Variants in NEBL observed in about 807,000 individuals in gnomAD.
NEBL encodes the protein LIM and SH3 protein 2.
Under a neutral mutation model 140.2 loss-of-function variants are expected in NEBL, and 122 were observed. The observed-to-expected ratio is 0.87, with a 90% CI of 0.75 to 1.01. The LOEUF is 1.01. NEBL is among the 50% of genes least tolerant of loss of function. The pLI is 0.00. For missense variants in NEBL, 1,365 were observed against 1,231.3 expected (o/e 1.11, Z -1.62); for synonymous variants, 436 against 398.9 (o/e 1.09, Z -1.11).
upstream of NEBL, chr10:20,897,388 G>C (rs1847605698): frequency 1.4e-6 from 2 of 1,389,948 alleles, no homozygotes; most frequent in East Asian, 5.2e-5. Context: ...AACAGAAAAG[G>C]ATCCCAGAGG....
chr10:21,017,644 T>C (rs1030326179), intron 3 of NEBL, among the ~76,000 whole-genome samples: 4 of 152,150 alleles, frequency 2.6e-5, no homozygotes, highest in Non-Finnish European at 5.9e-5. Flanking sequence ...AATAAATGCT[T>C]GCTCCTGGAA....
Position 21,134,124 on chromosome 10 carries a change from G to T in NEBL, c.164+38259C>A, listed in dbSNP as rs371321978. 9.2e-5 allele frequency among the ~76,000 whole-genome samples: 14 copies of T among 152,166 alleles called. No homozygotes were observed. In the East Asian group the frequency reaches 2.3e-3, roughly 25 times the overall value. On this transcript the variant is annotated intron_variant, in intron 2 of 6. Transcript: ENST00000417816. Reference sequence around the variant, plus strand: ...GCCTGTAGTCCCAGCTACTCAGGAGGCTGAGGCAGGAGAATCACTTGAACC... The same window carrying T: ...GCCTGTAGTCCCAGCTACTCAGGAGTCTGAGGCAGGAGAATCACTTGAACC...
chr10:20,969,000 C>A (rs992526659), intron 3 of NEBL, among the ~76,000 whole-genome samples: 2 of 152,116 alleles, frequency 1.3e-5, no homozygotes, highest in African/African-American at 4.8e-5. Flanking sequence ...TCTCACTGCA[C>A]TTTGTTTGGT....
chr10:21,156,711 A>G (rs1239466925), intron 2 of NEBL, among the ~76,000 whole-genome samples: 1 of 152,198 alleles, frequency 6.6e-6, no homozygotes, highest in East Asian at 1.9e-4. Context: ...TAAAATAATA[A>G]AAGAAGTTTT....
chr10:20,808,365 C>A (rs1015094579), intron 26 of NEBL, 145 bp downstream of exon 26: 115 of 752,582 alleles, frequency 1.5e-4, no homozygotes, highest in Middle Eastern at 3.9e-4. Context: ...AAAAAAAAGA[C>A]TATTAACTTT....
intron 3 of NEBL, among the ~76,000 whole-genome samples, chr10:21,240,664 A>G (rs1842426779): frequency 6.6e-6 from 1 of 152,204 alleles, no homozygotes; most frequent in South Asian, 2.1e-4. Flanking sequence ...TATAAAAGCA[A>G]TATTTAATAT....
chr10:20,814,316 G>A (rs1345294989), intron 22 of NEBL, among the ~76,000 whole-genome samples: 3 of 151,854 alleles, frequency 2.0e-5, no homozygotes, highest in Non-Finnish European at 2.9e-5. Flanking sequence ...GTAAACCTGC[G>A]CAAGCCCGAG....
At chr10:20,923,881 A>C (rs1833734268) in intron 4 of NEBL, among the ~76,000 whole-genome samples, 1 of 151,852 alleles carries the variant, frequency 6.6e-6, no homozygotes, top group African/African-American at 2.4e-5. Flanking sequence ...GAATAAAAGG[A>C]GGGGAGAGCT....
intron 2 of NEBL, among the ~76,000 whole-genome samples, chr10:21,044,394 G>GAAAA (rs1834409718): frequency 5.2e-4 from 1 of 1,932 alleles, no homozygotes; most frequent in Non-Finnish European, 1.2e-3. Context: ...GACAGAGTAA[G>GAAAA]AATAAAAAAA....
intron 26 of NEBL, among the ~76,000 whole-genome samples, chr10:20,797,629 G>A (rs1266560694): frequency 6.6e-6 from 1 of 152,162 alleles, no homozygotes; most frequent in Admixed American, 6.5e-5. Flanking sequence ...AATTCTCTAT[G>A]TGGGTCTGAA....
At chr10:20,817,482 T>C in intron 21 of NEBL, 118 bp downstream of exon 21, 1 of 896,972 alleles carries the variant, frequency 1.1e-6, no homozygotes, top group Non-Finnish European at 1.8e-6. Context: ...AAGTTGTTAG[T>C]CAAATGAGAA....
chr10:20,892,901 A>C (rs1481228864), intron 2 of NEBL, among the ~76,000 whole-genome samples: 1 of 152,236 alleles, frequency 6.6e-6, no homozygotes, highest in Non-Finnish European at 1.5e-5. Flanking sequence ...AAGGAAAAAC[A>C]ATGGCTCCAT....
intron 2 of NEBL, among the ~76,000 whole-genome samples, chr10:21,155,896 C>G (rs1840318905): frequency 6.6e-6 from 1 of 152,166 alleles, no homozygotes; most frequent in Non-Finnish European, 1.5e-5. Context: ...GAGATTAACG[C>G]CCACTGCATG....
upstream of NEBL, among the ~76,000 whole-genome samples, chr10:21,177,705 T>G (rs185101994): frequency 6.6e-6 from 1 of 152,076 alleles, no homozygotes; most frequent in Non-Finnish European, 1.5e-5. Context: ...AATTTTTGTA[T>G]TTTTAGTAGA....
chr10:20,888,169 A>G lies in NEBL; in HGVS notation c.297T>C (p.Asn99=), dbSNP rs1363794425. Reference sequence around the variant, plus strand: ...TGGCTGGCATCCGCTTATAAAGAGAATTAGAAAGGTCAGCTTTAATGGTGC... The same window carrying G: ...TGGCTGGCATCCGCTTATAAAGAGAGTTAGAAAGGTCAGCTTTAATGGTGC... ...YKGTIKADLS[N]SLYKRMPATI... Residue 99 remains asparagine (N), a synonymous_variant, in exon 4 of 28, where the codon AAT becomes AAC. Coordinates refer to ENST00000377122, the MANE Select transcript of NEBL (RefSeq NM_006393.3). The G allele has an allele frequency of 1.2e-6, 2 of 1,613,838 alleles. No individual in the cohort carries two copies. The highest frequency in any genetic ancestry group is 1.7e-6 in the Non-Finnish European group (2 of 1,179,870).
Position 20,785,169 on chromosome 10 carries a change from G to A in NEBL, c.*578C>T, listed in dbSNP as rs1170636507. 6.3e-6 allele frequency: 1 copy of A among 159,400 alleles called. No homozygotes were observed. Among genetic ancestry groups the A allele is most frequent in the African/African-American group, 2.4e-5 (1 of 41,446 alleles). The allele number at this position is 159,400 out of a possible 1,614,324, so 9.9% of individuals were successfully genotyped here. A position where few individuals can be genotyped will look rare whatever the true frequency, so the allele number is the denominator to read the frequency against. On this transcript the variant is annotated 3_prime_UTR_variant, in exon 28 of 28. Coordinates refer to ENST00000377122, the MANE Select transcript of NEBL (RefSeq NM_006393.3). ...AATAAATAGATACCAGTCAGCCTAG[G>A]GAACAAGGAAATTTCTCTGTTTAGT...
intron 4 of NEBL, among the ~76,000 whole-genome samples, chr10:20,952,964 G>C (rs2211200): frequency 0.19 from 26,192 of 138,314 alleles, 2,839 homozygotes; most frequent in African/African-American, 0.32. Context: ...GAAAAAACAA[G>C]AAATTAGCTC....
intron 1 of NEBL, among the ~76,000 whole-genome samples, chr10:21,286,840 G>GAAA (rs1333179464): frequency 3.8e-5 from 5 of 131,512 alleles, no homozygotes; most frequent in Non-Finnish European, 6.6e-5. Flanking sequence ...ATCCATCTCA[G>GAAA]AAAAAAAAAA....
intron 13 of NEBL, among the ~76,000 whole-genome samples, chr10:20,838,257 T>A (rs1588740274): frequency 6.6e-6 from 1 of 152,158 alleles, no homozygotes; most frequent in Non-Finnish European, 1.5e-5. Flanking sequence ...GTACAAAATA[T>A]CAACATTAAT....
Sources: gnomAD v4.1 joint callset for allele counts (sites outside exome capture counted in the v4.1 genomes callset) on GRCh38, gnomAD v4.1.1 for gene constraint, MANE v1.5 for transcripts, NCBI Gene and HGNC (gene_info 2026-07-23, HGNC 2026-07-21) for gene names.